Variants in KCNQ1 observed in about 807,000 individuals in gnomAD.
The protein encoded by KCNQ1 is potassium voltage-gated channel subfamily Q member 1.
In KCNQ1, 49 loss-of-function variants were observed where a neutral mutation model predicts 72.4. The ratio of observed to expected loss-of-function variants is 0.68; its 90% CI spans 0.54 to 0.86. The LOEUF (loss-of-function observed/expected upper bound fraction) is 0.86, where lower values mean the gene tolerates loss of function less well. Ranked by LOEUF, KCNQ1 falls within the 40% of genes least tolerant of loss-of-function variation. KCNQ1 has a pLI of 0.00. For missense variants in KCNQ1, 790 were observed against 945.1 expected (o/e 0.84, Z 2.15); for synonymous variants, 450 against 412.6 (o/e 1.09, Z -1.10).
At chr11:2,744,227 G>A (rs531293862) in intron 11 of KCNQ1, among the ~76,000 whole-genome samples, 2 of 152,350 alleles carry the variant, frequency 1.3e-5, no homozygotes, top group Non-Finnish European at 1.5e-5. Context: ...AAAGGCCACC[G>A]TGTGTCCACT....
At position 2,642,384 on chromosome 11, in the gene KCNQ1, T is replaced by A; in HGVS notation, c.1394-19577T>A. 1 of 398,250 alleles carries A rather than the reference T, an allele frequency of 2.5e-6. No homozygotes were observed. The highest frequency in any genetic ancestry group is 4.4e-6 in the Non-Finnish European group (1 of 225,844). The allele number at this position is 398,250 out of a possible 1,614,324, so 24.7% of individuals were successfully genotyped here. On this transcript the variant is annotated intron_variant, in intron 10 of 15. Transcript: ENST00000155840. The surrounding 1 kb of genome is among the most constrained non-coding windows in gnomAD (Gnocchi z 4.3). Reference sequence around the variant, plus strand: ...GTAGTGGTTGTAAAAGATAATGCCTTCTTGATTTCTTTCTCAGCTGGTTCT... The same window carrying A: ...GTAGTGGTTGTAAAAGATAATGCCTACTTGATTTCTTTCTCAGCTGGTTCT...
intron 11 of KCNQ1, among the ~76,000 whole-genome samples, chr11:2,751,247 C>T (rs1373724670): frequency 2.0e-5 from 3 of 152,318 alleles, no homozygotes; most frequent in African/African-American, 7.2e-5. Flanking sequence ...TTTCTTTCTC[C>T]AACTAGCATG....
At chr11:2,542,767 A>T (rs76063739) in intron 2 of KCNQ1, among the ~76,000 whole-genome samples, 2,022 of 152,284 alleles carry the variant, frequency 0.013, 20 homozygotes, top group Non-Finnish European at 0.021. Flanking sequence ...GTGGCATGTA[A>T]TAATTCATTC....
At chr11:2,596,008 T>A (rs115102274) in intron 10 of KCNQ1, among the ~76,000 whole-genome samples, 2,286 of 152,248 alleles carry the variant, frequency 0.015, 62 homozygotes, top group African/African-American at 0.053. Context: ...AAGATTTCAG[T>A]GGAGGAAGTA....
rs1195402516 is a variant in KCNQ1, at chr11:2,659,142, C to CT, written c.1394-2816dup. On this transcript the variant is annotated intron_variant, in intron 10 of 15. Transcript: ENST00000155840. The surrounding 1 kb of genome is among the most constrained non-coding windows in gnomAD (Gnocchi z 4.3). Reference sequence around the variant, plus strand: ...AAATTTGCATACAGTAAAATCCACTCTTTGAGATTCAGTTCTGTGGGTTTT... The same window carrying CT: ...AAATTTGCATACAGTAAAATCCACTCTTTTGAGATTCAGTTCTGTGGGTTTT... 2.3e-5 allele frequency: 9 copies of CT among 398,616 alleles called. No individual in the cohort carries two copies. The East Asian group carries it at 2.8e-4, about 13-fold the overall frequency. 24.7% of individuals were successfully genotyped at this position (398,616 alleles called of 1,614,324 possible).
intron 11 of KCNQ1, among the ~76,000 whole-genome samples, chr11:2,742,451 TG>T (rs1846071562): frequency 6.6e-6 from 1 of 152,216 alleles, no homozygotes; most frequent in African/African-American, 2.4e-5. Flanking sequence ...CCTTCATGCC[TG>T]TGGGGTGTCT....
intron 2 of KCNQ1, among the ~76,000 whole-genome samples, chr11:2,535,789 A>G (rs1847721632): frequency 6.6e-6 from 1 of 152,188 alleles, no homozygotes; most frequent in Admixed American, 6.5e-5. Context: ...CTCCCTTCTG[A>G]GGCCGCTTTG....
intron 1 of KCNQ1, among the ~76,000 whole-genome samples, chr11:2,472,848 C>T (rs1846509215): frequency 6.6e-6 from 1 of 152,104 alleles, no homozygotes; most frequent in Admixed American, 6.5e-5. Context: ...TGATTCTGTC[C>T]TCAGAGGCAT....
In KCNQ1 at chr11:2,451,626, C is replaced by T. The variant is rs1846120171; in HGVS notation, c.386+6142C>T. Among the ~76,000 whole-genome samples, 1 of 152,146 alleles carries T rather than the reference C, an allele frequency of 6.6e-6. No individual in the cohort carries two copies. Among genetic ancestry groups the T allele is most frequent in the South Asian group, 2.1e-4 (1 of 4,822 alleles). On this transcript the variant is annotated intron_variant, in intron 1 of 15. Coordinates refer to ENST00000155840, the MANE Select transcript of KCNQ1 (RefSeq NM_000218.3). This position sits in a 1 kb window ranked among gnomAD's most constrained non-coding sequence, Gnocchi z 6.4. The stretch of plus-strand genomic sequence containing the variant: ...TCGGCACCGGACTCTCAGGATGAGC[C>T]GCCTGGAGTCTGTTGGCATCTGCCT...
chr11:2,627,954 G>A lies in KCNQ1; in HGVS notation c.1394-34007G>A. The A allele has an allele frequency of 2.5e-6, 1 of 398,506 alleles. No individual in the cohort carries two copies. The highest frequency in any genetic ancestry group is 4.4e-6 in the Non-Finnish European group (1 of 226,058). 24.7% of individuals were successfully genotyped at this position (398,506 alleles called of 1,614,324 possible). A position where few individuals can be genotyped will look rare whatever the true frequency, so the allele number is the denominator to read the frequency against. On this transcript the variant is annotated intron_variant, in intron 10 of 15. Transcript: ENST00000155840. The surrounding 1 kb of genome is among the most constrained non-coding windows in gnomAD (Gnocchi z 4.9). Reference sequence around the variant, plus strand: ...TTATGTAGAGATAGGGTATCACTATGTTTCCTAGGCTGGTCTCAAACTCCT... The same window carrying A: ...TTATGTAGAGATAGGGTATCACTATATTTCCTAGGCTGGTCTCAAACTCCT...
In KCNQ1 at chr11:2,463,946, G is replaced by T. The variant is rs923588730; in HGVS notation, c.386+18462G>T. On this transcript the variant is annotated intron_variant, in intron 1 of 15. Transcript: ENST00000155840. The surrounding 1 kb of genome is among the most constrained non-coding windows in gnomAD (Gnocchi z 7.0). ...GGCAGCACCGAGGGCTCCGTGCCCA[G>T]CAGGCTCACTGTCGGCAGTTGGGTC... Among the ~76,000 whole-genome samples the T allele has an allele frequency of 6.6e-6, 1 of 152,246 alleles. No individual in the cohort carries two copies. Among genetic ancestry groups the T allele is most frequent in the Non-Finnish European group, 1.5e-5 (1 of 68,034 alleles).
Position 2,679,891 on chromosome 11 carries a change from T to G in KCNQ1, c.1514+17810T>G. ...ACTTAGAACTAGCACGCCTAATTTT[T>G]TTTTTATTTTTATTTTTTTTGAGGC... On this transcript the variant is annotated intron_variant, in intron 11 of 15. Coordinates refer to ENST00000155840, the MANE Select transcript of KCNQ1 (RefSeq NM_000218.3). This position sits in a 1 kb window ranked among gnomAD's most constrained non-coding sequence, Gnocchi z 4.8. 1 of 398,316 alleles carries G rather than the reference T, an allele frequency of 2.5e-6. No homozygotes were observed. The highest frequency in any genetic ancestry group is 4.4e-6 in the Non-Finnish European group (1 of 226,046). 24.7% of individuals were successfully genotyped at this position (398,316 alleles called of 1,614,324 possible). A position where few individuals can be genotyped will look rare whatever the true frequency, so the allele number is the denominator to read the frequency against.
intron 12 of KCNQ1, among the ~76,000 whole-genome samples, chr11:2,773,167 G>C (rs144188359): frequency 6.6e-6 from 1 of 151,726 alleles, no homozygotes; most frequent in Non-Finnish European, 1.5e-5. Context: ...CATACGGAAG[G>C]GAGAAACAGA....
rs529514411 is a variant in KCNQ1, at chr11:2,666,376, A to G, written c.1514+4295A>G. The G allele has an allele frequency of 1.7e-3, 676 of 398,692 alleles. 6 individuals carry two copies. In the South Asian group the frequency reaches 0.018, roughly 10 times the overall value. 24.7% of individuals were successfully genotyped at this position (398,692 alleles called of 1,614,324 possible). A position where few individuals can be genotyped will look rare whatever the true frequency, so the allele number is the denominator to read the frequency against. ...ATGTGCTTGCCTGGCCTCTTGTGAC[A>G]TGACAGCTTCGCAAATCCTTGAGCA... On this transcript the variant is annotated intron_variant, in intron 11 of 15. Transcript: ENST00000155840.
At chr11:2,548,602 C>T (rs778649555) in intron 2 of KCNQ1, among the ~76,000 whole-genome samples, 15 of 152,230 alleles carry the variant, frequency 9.9e-5, no homozygotes, top group South Asian at 2.1e-4. Flanking sequence ...CTCAGGAGCC[C>T]GCCAAGCCCT....
At chr11:2,461,723 C>G in intron 1 of KCNQ1, 1 of 1,366,610 alleles carries the variant, frequency 7.3e-7, no homozygotes, top group Non-Finnish European at 9.8e-7. Flanking sequence ...GAGTAGGTAC[C>G]CCGGGGGTGG....
chr11:2,791,920 C>T (rs1847033812), intron 15 of KCNQ1, among the ~76,000 whole-genome samples: 1 of 152,246 alleles, frequency 6.6e-6, no homozygotes, highest in Non-Finnish European at 1.5e-5. Flanking sequence ...TGCACGGAGC[C>T]GGTGTTTACT....
At chr11:2,445,569 C>T in intron 1 of KCNQ1, 85 bp downstream of exon 1, 1 of 1,482,006 alleles carries the variant, frequency 6.7e-7, no homozygotes, top group Admixed American at 1.9e-5. Flanking sequence ...GCCACCTGCC[C>T]CGTCGGAGCT....
intron 15 of KCNQ1, among the ~76,000 whole-genome samples, chr11:2,805,170 A>G (rs2134031126): frequency 6.6e-6 from 1 of 152,270 alleles, no homozygotes; most frequent in African/African-American, 2.4e-5. Flanking sequence ...GCCGGAAGCA[A>G]GGGCTTTGTC....
Sources: gnomAD v4.1 joint callset for allele counts (sites outside exome capture counted in the v4.1 genomes callset) on GRCh38, gnomAD v4.1.1 for gene constraint, Gnocchi (gnomAD v3.1) non-coding constraint, MANE v1.5 for transcripts, NCBI Gene and HGNC (gene_info 2026-07-23, HGNC 2026-07-21) for gene names.